Variants in SDHC observed in about 807,000 individuals in gnomAD.
SDHC encodes succinate dehydrogenase cytochrome b560 subunit, mitochondrial.
Under a neutral mutation model 22.6 loss-of-function variants are expected in SDHC, and 11 were observed. The ratio of observed to expected loss-of-function variants is 0.49; its 90% confidence interval spans 0.31 to 0.81. The LOEUF is 0.81. SDHC is among the 30% of genes least tolerant of loss of function. The pLI is 0.05. For synonymous variants in SDHC, 80 were observed against 77.8 expected (o/e 1.03, Z -0.15); for missense variants, 160 against 212.0 (o/e 0.75, Z 1.52).
chr1:161,360,615 T>A (rs1672471291), intron 5 of SDHC, among the ~76,000 whole-genome samples: 1 of 150,126 alleles, frequency 6.7e-6, no homozygotes, highest in African/African-American at 2.5e-5. Flanking sequence ...GTGAGATGGC[T>A]CACACCTGTA....
intron 1 of SDHC, among the ~76,000 whole-genome samples, chr1:161,317,761 AT>A (rs571196692): frequency 0.013 from 2,008 of 149,728 alleles, 38 homozygotes; most frequent in African/African-American, 0.046. Context: ...GGGTTTCACC[AT>A]GTTGATCAGG....
At chr1:161,357,972 G>C (rs147924365) in intron 5 of SDHC, among the ~76,000 whole-genome samples, 1 of 151,682 alleles carries the variant, frequency 6.6e-6, no homozygotes, top group Non-Finnish European at 1.5e-5. Context: ...ACAGAATTGG[G>C]CCAACTTTAA....
chr1:161,316,201 C>CT (rs1427733401), intron 1 of SDHC, among the ~76,000 whole-genome samples: 1 of 152,104 alleles, frequency 6.6e-6, no homozygotes, highest in Non-Finnish European at 1.5e-5. Context: ...GTTCCTTCCT[C>CT]TTTTGCTAAT....
chr1:161,333,485 A>C (rs963169401), intron 3 of SDHC, among the ~76,000 whole-genome samples: 2 of 150,510 alleles, frequency 1.3e-5, no homozygotes, highest in African/African-American at 2.4e-5. Context: ...GCTCATTGCA[A>C]CCTTCACCTC....
chr1:161,343,201 A>AAGG (rs1429721032), intron 4 of SDHC, among the ~76,000 whole-genome samples: 1 of 152,162 alleles, frequency 6.6e-6, no homozygotes, highest in African/African-American at 2.4e-5. Flanking sequence ...TGAGACCCTG[A>AAGG]AGGATCTCTC....
intron 2 of SDHC, among the ~76,000 whole-genome samples, chr1:161,327,443 T>A (rs1231814215): frequency 6.6e-6 from 1 of 152,226 alleles, no homozygotes; most frequent in Non-Finnish European, 1.5e-5. Flanking sequence ...CTTTCTGTTG[T>A]TGGAGTTTGT....
At chr1:161,344,382 A>G (rs1460691144) in intron 4 of SDHC, among the ~76,000 whole-genome samples, 2 of 152,002 alleles carry the variant, frequency 1.3e-5, no homozygotes, top group African/African-American at 4.8e-5. Context: ...AGGATTGCCC[A>G]GGAATTCAAG....
intron 1 of SDHC, among the ~76,000 whole-genome samples, chr1:161,315,315 C>A (rs1276850455): frequency 1.3e-5 from 2 of 152,170 alleles, no homozygotes. Context: ...CTTCAGTCAC[C>A]CAGTTTAAAA....
chr1:161,326,584 G>T (rs1671062207), intron 2 of SDHC: 1 of 137,930 alleles, frequency 7.3e-6, no homozygotes, highest in African/African-American at 2.6e-5. Context: ...TATATATTAG[G>T]TCTTTAAGGT....
At chr1:161,358,128 C>T (rs1672353441) in intron 5 of SDHC, among the ~76,000 whole-genome samples, 2 of 151,074 alleles carry the variant, frequency 1.3e-5, no homozygotes, top group African/African-American at 2.4e-5. Flanking sequence ...CCTCCACCTC[C>T]CAGGTTCAAG....
chr1:161,329,185 T>C (rs1215497547), intron 3 of SDHC, among the ~76,000 whole-genome samples: 1 of 149,672 alleles, frequency 6.7e-6, no homozygotes, highest in Non-Finnish European at 1.5e-5. Context: ...GGATTACAAG[T>C]GTGAGCCACC....
rs1450577099 is a variant in SDHC at position 161,314,717 on chromosome 1, C to G, written c.20+292C>G. Reference sequence around the variant, plus strand: ...CTTCTAACGCAAATTGCTCTCGGGCCTGCACCCAGAGCCGAGCTCTGAGAA... The same window carrying G: ...CTTCTAACGCAAATTGCTCTCGGGCGTGCACCCAGAGCCGAGCTCTGAGAA... On this transcript the variant is annotated intron_variant, in intron 1 of 5. Transcript: ENST00000367975. 6 of 515,722 alleles carry G rather than the reference C, an allele frequency of 1.2e-5. No homozygotes were observed. The East Asian group carries it at 1.9e-4, about 16-fold the overall frequency. The allele number at this position is 515,722 out of a possible 1,614,324, so 31.9% of individuals were successfully genotyped here.
intron 1 of SDHC, among the ~76,000 whole-genome samples, chr1:161,319,571 C>T (rs559752644): frequency 2.0e-4 from 30 of 152,048 alleles, no homozygotes; most frequent in African/African-American, 6.8e-4. Context: ...CTCAGCCACC[C>T]GGGTAGCTGG....
Position 161,340,281 on chromosome 1 carries a change from C to T in SDHC, c.180-313C>T, listed in dbSNP as rs75135629. Among the ~76,000 whole-genome samples, 17,664 of 151,346 alleles carry T rather than the reference C, an allele frequency of 0.12. 1,399 individuals are homozygous for T. Among genetic ancestry groups the T allele is most frequent in the African/African-American group, 0.22 (8,899 of 41,190 alleles). On this transcript the variant is annotated intron_variant, in intron 3 of 5. Coordinates refer to ENST00000367975, the MANE Select transcript of SDHC (RefSeq NM_003001.5). ...TCCAGCCTGGGTGACAGAGCAAGACCCTGTTCCGGGGGGGTAAAAAAAAAA... is the reference window on the plus strand; with the variant it reads ...TCCAGCCTGGGTGACAGAGCAAGACTCTGTTCCGGGGGGGTAAAAAAAAAA...
intron 2 of SDHC, among the ~76,000 whole-genome samples, chr1:161,324,745 A>G (rs1017222468): frequency 3.3e-5 from 5 of 152,202 alleles, no homozygotes; most frequent in African/African-American, 1.2e-4. Flanking sequence ...ATGACCATTT[A>G]CTTCTAAATA....
chr1:161,323,552 A>T, intron 1 of SDHC, 62 bp from the exon 2 acceptor site: 1 of 1,252,244 alleles, frequency 8.0e-7, no homozygotes, highest in East Asian at 2.3e-5. Context: ...AAAAATAGAG[A>T]AGTTGATATA....
At chr1:161,325,083 C>T (rs1333008957) in intron 2 of SDHC, among the ~76,000 whole-genome samples, 1 of 151,482 alleles carries the variant, frequency 6.6e-6, no homozygotes, top group Non-Finnish European at 1.5e-5. Flanking sequence ...TGGTGTGTGC[C>T]TATAGTCCCA....
chr1:161,330,237 C>T (rs1476279393), intron 3 of SDHC, among the ~76,000 whole-genome samples: 1 of 152,202 alleles, frequency 6.6e-6, no homozygotes, highest in Non-Finnish European at 1.5e-5. Flanking sequence ...AAAATTTCAT[C>T]TAAATCTCCC....
intron 5 of SDHC, among the ~76,000 whole-genome samples, chr1:161,359,921 A>T (rs1224539713): frequency 6.6e-6 from 1 of 152,120 alleles, no homozygotes; most frequent in African/African-American, 2.4e-5. Context: ...TCTCTATAAA[A>T]CATTGTCCTT....
Sources: allele counts gnomAD v4.1 joint callset (sites outside exome capture counted in the v4.1 genomes callset), GRCh38; gene constraint gnomAD v4.1.1; transcripts MANE v1.5; gene names NCBI Gene and HGNC (gene_info 2026-07-23, HGNC 2026-07-21).